PHIP: variants seen among roughly 807,000 people sequenced by gnomAD.
PHIP encodes PHIP subunit of CUL4-Ring ligase complex, also known as PH-interacting protein.
In PHIP, 54 loss-of-function variants were observed where a neutral mutation model predicts 236.8. That is an observed-to-expected ratio of 0.23 (90% confidence interval 0.18 to 0.29). The LOEUF (loss-of-function observed/expected upper bound fraction) is 0.29. Among genes scored for constraint, PHIP ranks in the 10% least tolerant of loss-of-function variants. The pLI is 1.00. For synonymous variants in PHIP, 756 were observed against 718.9 expected (o/e 1.05, Z -0.83); for missense variants, 1,370 against 2,190.8 (o/e 0.63, Z 7.48).
intron 15 of PHIP, among the ~76,000 whole-genome samples, chr6:79,010,496 A>G (rs1280235985): frequency 8.7e-6 from 1 of 114,552 alleles, no homozygotes; most frequent in Non-Finnish European, 2.0e-5. Flanking sequence ...GAATTTACCC[A>G]TGAAACAACA....
intron 19 of PHIP, among the ~76,000 whole-genome samples, chr6:78,994,225 G>A (rs1177162541): frequency 6.6e-6 from 1 of 152,182 alleles, no homozygotes; most frequent in Non-Finnish European, 1.5e-5. Context: ...TCTTGAGGGA[G>A]GCTACTCTAG....
intron 19 of PHIP, among the ~76,000 whole-genome samples, chr6:78,992,144 A>G (rs1383790843): frequency 6.6e-6 from 1 of 151,712 alleles, no homozygotes; most frequent in Admixed American, 6.6e-5. Context: ...TTGTATTTTT[A>G]GTAGAGACGG....
intron 25 of PHIP, among the ~76,000 whole-genome samples, 168 bp from the exon 26 acceptor site, chr6:78,970,341 T>C (rs111596976): frequency 9.2e-5 from 14 of 152,156 alleles, no homozygotes; most frequent in African/African-American, 3.4e-4. Flanking sequence ...GTGCACTTTA[T>C]AGTATGCAAG....
intron 6 of PHIP, among the ~76,000 whole-genome samples, chr6:79,057,109 A>C (rs1036102031): frequency 2.6e-4 from 39 of 152,156 alleles, no homozygotes; most frequent in African/African-American, 4.8e-5. Context: ...CATTTTAGGT[A>C]TTTTTAAGTT....
chr6:78,972,503 C>T (rs961476970), intron 24 of PHIP, among the ~76,000 whole-genome samples: 5 of 152,168 alleles, frequency 3.3e-5, no homozygotes, highest in Non-Finnish European at 5.9e-5. Flanking sequence ...AGCTCCTCAC[C>T]AGCAATGGAA....
intron 6 of PHIP, among the ~76,000 whole-genome samples, chr6:79,054,737 A>C (rs1405749542): frequency 6.6e-6 from 1 of 151,712 alleles, no homozygotes; most frequent in Non-Finnish European, 1.5e-5. Flanking sequence ...AAGAAAAAAA[A>C]ACCTTGATTG....
chr6:79,033,374 T>C (rs576117089), intron 7 of PHIP, among the ~76,000 whole-genome samples: 1 of 152,348 alleles, frequency 6.6e-6, no homozygotes, highest in East Asian at 1.9e-4. Flanking sequence ...CACAGCTGTT[T>C]CACCTGTAAT....
At chr6:78,998,481 A>T in intron 17 of PHIP, 90 bp from the exon 18 acceptor site, 1 of 966,644 alleles carries the variant, frequency 1.0e-6, no homozygotes, top group South Asian at 1.8e-5. Context: ...TCAGAATTAA[A>T]CATAAATGTT....
intron 14 of PHIP, 29 bp downstream of exon 14, chr6:79,015,601 A>G: frequency 6.6e-7 from 1 of 1,507,100 alleles, no homozygotes; most frequent in Non-Finnish European, 9.1e-7. Flanking sequence ...CTTCAGTTAT[A>G]TCAAATAAAG....
chr6:78,991,095 G>T, intron 19 of PHIP, 110 bp from the exon 20 acceptor site: 1 of 665,884 alleles, frequency 1.5e-6, no homozygotes, highest in Non-Finnish European at 2.6e-6. Context: ...TTTATTTTAA[G>T]ATGGAAGCAT....
At chr6:79,033,206 C>G (rs1006475899) in intron 7 of PHIP, among the ~76,000 whole-genome samples, 9 of 152,072 alleles carry the variant, frequency 5.9e-5, no homozygotes, top group African/African-American at 2.2e-4. Flanking sequence ...TCTTATGGTC[C>G]TAGAATTTAA....
At chr6:78,994,072 G>C (rs1769447632) in intron 19 of PHIP, among the ~76,000 whole-genome samples, 1 of 152,210 alleles carries the variant, frequency 6.6e-6, no homozygotes, top group African/African-American at 2.4e-5. Context: ...GAAGACATCA[G>C]TGGAAGAAGT....
intron 12 of PHIP, 21 bp from the exon 13 acceptor site, chr6:79,016,663 T>A: frequency 6.8e-7 from 1 of 1,476,000 alleles, no homozygotes; most frequent in Non-Finnish European, 9.4e-7. Flanking sequence ...AGGAATCCGA[T>A]CCCCCAAAGA....
chr6:78,950,800 A>G (rs898973110), intron 35 of PHIP, among the ~76,000 whole-genome samples: 5 of 150,018 alleles, frequency 3.3e-5, no homozygotes, highest in Admixed American at 3.3e-4. Context: ...CCAGCTTTCA[A>G]TTTCATAGAT....
Position 78,997,475 on chromosome 6 carries a change from G to A in PHIP, c.2140C>T (p.Arg714Trp), listed in dbSNP as rs557090267. 10 of 1,613,904 alleles carry A rather than the reference G, an allele frequency of 6.2e-6. No homozygotes were observed. The highest frequency in any genetic ancestry group is 1.7e-5 in the Admixed American group (1 of 59,994). Residue 714 changes from arginine (R) to tryptophan (W), a missense_variant, in exon 19 of 40, where the codon CGG becomes TGG. By Grantham distance (101) the Arg-to-Trp change is moderately radical. Coordinates refer to ENST00000275034, the MANE Select transcript of PHIP (RefSeq NM_017934.7). ...NAPRSEIATE[R>W]DLVAWSRRVV... is the part of the protein sequence containing the mutation. The stretch of plus-strand genomic sequence containing the variant: ...CTTCGACTCCAAGCTACCAGATCCC[G>A]CTCTGTGGCTATTTCACTTCTTGGT...
chr6:79,064,832 T>A (rs1773549295), intron 4 of PHIP, among the ~76,000 whole-genome samples: 1 of 152,230 alleles, frequency 6.6e-6, no homozygotes, highest in African/African-American at 2.4e-5. Flanking sequence ...TTGCCAAATT[T>A]CTATTTATAG....
At chr6:79,030,882 A>G (rs947205098) in intron 7 of PHIP, among the ~76,000 whole-genome samples, 2 of 152,120 alleles carry the variant, frequency 1.3e-5, no homozygotes, top group African/African-American at 4.8e-5. Flanking sequence ...CTATTGTTTA[A>G]TCACAAAGAT....
At chr6:78,985,843 TAATAAA>T (rs1306791846) in intron 21 of PHIP, among the ~76,000 whole-genome samples, 3 of 152,044 alleles carry the variant, frequency 2.0e-5, no homozygotes, top group Non-Finnish European at 4.4e-5. Flanking sequence ...AATAATAAAA[TAATAAA>T]AGAGTCAGCT....
At chr6:78,944,803 A>C (rs1773710247) in intron 39 of PHIP, among the ~76,000 whole-genome samples, 1 of 152,220 alleles carries the variant, frequency 6.6e-6, no homozygotes, top group Admixed American at 6.5e-5. Context: ...TTAACATGTC[A>C]CATGGCATAT....
Sources: gnomAD v4.1 joint callset for allele counts (sites outside exome capture counted in the v4.1 genomes callset) on GRCh38, gnomAD v4.1.1 for gene constraint, MANE v1.5 for transcripts, NCBI Gene and HGNC (gene_info 2026-07-23, HGNC 2026-07-21) for gene names.